ROCK2: variants seen among roughly 807,000 people sequenced by gnomAD.
ROCK2 encodes the protein Rho associated coiled-coil containing protein kinase 2.
In ROCK2, 61 loss-of-function variants were observed where a neutral mutation model predicts 195.1. The observed-to-expected ratio is 0.31, with a 90% CI of 0.25 to 0.39. The LOEUF is 0.39. Among genes scored for constraint, ROCK2 ranks in the 10% least tolerant of loss-of-function variants. ROCK2 has a pLI of 1.00. For missense variants in ROCK2, 1,109 were observed against 1,637.4 expected (o/e 0.68, Z 5.57); for synonymous variants, 504 against 545.5 (o/e 0.92, Z 1.06).
intron 13 of ROCK2, 131 bp downstream of exon 13, chr2:11,216,027 C>A: frequency 1.4e-6 from 1 of 718,856 alleles, no homozygotes; most frequent in South Asian, 1.8e-5. Context: ...ATAATTTAGT[C>A]CTATCCACCA....
chr2:11,239,035 C>T (rs1042882031), intron 4 of ROCK2, among the ~76,000 whole-genome samples: 7 of 150,830 alleles, frequency 4.6e-5, no homozygotes, highest in Non-Finnish European at 7.4e-5. Context: ...ATTTTTAGAC[C>T]CTTACCTCAC....
At position 11,201,484 on chromosome 2, in the gene ROCK2, A is replaced by C; in HGVS notation, c.2620-71T>G. On this transcript the variant is annotated intron_variant, in intron 21 of 32. Coordinates refer to ENST00000315872, the MANE Select transcript of ROCK2 (RefSeq NM_004850.5). The surrounding 1 kb of genome is among the most constrained non-coding windows in gnomAD (Gnocchi z 4.6). ...TTACTTCTACATTCAAAAGCTATTC[A>C]GACAAAAAGGAGAATGAACACATAC... 1 of 859,518 alleles carries C rather than the reference A, an allele frequency of 1.2e-6. No individual in the cohort carries two copies. The highest frequency in any genetic ancestry group is 1.9e-6 in the Non-Finnish European group (1 of 519,774). 53.2% of individuals were successfully genotyped at this position (859,518 alleles called of 1,614,324 possible).
At position 11,344,507 on chromosome 2, in the gene ROCK2, G is replaced by A; in HGVS notation, c.-371C>T. 1.0e-6 allele frequency: 1 copy of A among 986,584 alleles called. No homozygotes were observed. Among genetic ancestry groups the A allele is most frequent in the Non-Finnish European group, 1.2e-6 (1 of 831,818 alleles). The allele number at this position is 986,584 out of a possible 1,614,324, so 61.1% of individuals were successfully genotyped here. A position where few individuals can be genotyped will look rare whatever the true frequency, so the allele number is the denominator to read the frequency against. Reference sequence around the variant, plus strand: ...GGCCCGGACCGCCCCGCCCTCTGGGGCCCCGGGAGGCTGAAGCCCAGGCCT... The same window carrying A: ...GGCCCGGACCGCCCCGCCCTCTGGGACCCCGGGAGGCTGAAGCCCAGGCCT... On this transcript the variant is annotated 5_prime_UTR_variant, in exon 1 of 33. Transcript: ENST00000315872. This position sits in a 1 kb window ranked among gnomAD's most constrained non-coding sequence, Gnocchi z 5.4.
intron 1 of ROCK2, among the ~76,000 whole-genome samples, chr2:11,339,860 C>T (rs1003540369): frequency 6.6e-6 from 1 of 152,128 alleles, no homozygotes; most frequent in Admixed American, 6.5e-5. Context: ...GCAGCGGCGA[C>T]GGCACACAGG....
chr2:11,239,829 T>C (rs1312926786), intron 4 of ROCK2, among the ~76,000 whole-genome samples: 2 of 152,218 alleles, frequency 1.3e-5, no homozygotes, highest in African/African-American at 2.4e-5. Flanking sequence ...AGGTTCCCTA[T>C]ATTTTGGACT....
intron 1 of ROCK2, among the ~76,000 whole-genome samples, chr2:11,320,954 A>C (rs1435566225): frequency 6.6e-6 from 1 of 152,228 alleles, no homozygotes; most frequent in Non-Finnish European, 1.5e-5. Context: ...TAGAGTCTTC[A>C]GTAGAGAACA....
chr2:11,337,922 C>CT (rs1392272221), intron 1 of ROCK2, among the ~76,000 whole-genome samples: 1 of 152,128 alleles, frequency 6.6e-6, no homozygotes, highest in Non-Finnish European at 1.5e-5. Flanking sequence ...AGATTACAGG[C>CT]ATGAGCCACC....
intron 3 of ROCK2, among the ~76,000 whole-genome samples, chr2:11,272,019 CAAAAAAAA>C (rs34999311): frequency 8.8e-6 from 1 of 113,776 alleles, no homozygotes; most frequent in Non-Finnish European, 1.8e-5. Flanking sequence ...GACTCCATCT[CAAAAAAAA>C]AAAAAAAAAG....
At chr2:11,269,403 T>G (rs1243179675) in intron 3 of ROCK2, among the ~76,000 whole-genome samples, 1 of 151,482 alleles carries the variant, frequency 6.6e-6, no homozygotes. Flanking sequence ...TACTAGCTAC[T>G]CAGGAGGCTG....
chr2:11,332,410 C>T (rs932580057), intron 1 of ROCK2, among the ~76,000 whole-genome samples: 12 of 152,184 alleles, frequency 7.9e-5, no homozygotes, highest in African/African-American at 2.6e-4. Flanking sequence ...AGTTGATTAC[C>T]GTATTATTTC....
chr2:11,255,074 A>G lies in ROCK2; in HGVS notation c.325-5276T>C, dbSNP rs556370539. ...GTACTAAAAATACAAAAAATTAGCC[A>G]GGCATGGTGGCGGGCACCTGTAGTC... On this transcript the variant is annotated intron_variant, in intron 3 of 32. Coordinates refer to ENST00000315872, the MANE Select transcript of ROCK2 (RefSeq NM_004850.5). Among the ~76,000 whole-genome samples the G allele has an allele frequency of 7.0e-3, 1,038 of 148,372 alleles. 20 individuals carry two copies. The highest frequency in any genetic ancestry group is 0.025 in the African/African-American group (967 of 37,998).
chr2:11,337,435 C>A (rs969219849), intron 1 of ROCK2, among the ~76,000 whole-genome samples: 14 of 152,084 alleles, frequency 9.2e-5, no homozygotes, highest in African/African-American at 2.9e-4. Flanking sequence ...CAAACAGATG[C>A]TTCACAAAGG....
At position 11,182,278 on chromosome 2, in the gene ROCK2, C is replaced by T. The variant is rs1359121873; in HGVS notation, c.*1159G>A. The T allele has an allele frequency of 6.6e-6, 1 of 152,176 alleles. No homozygotes were observed. Among genetic ancestry groups the T allele is most frequent in the African/African-American group, 2.4e-5 (1 of 41,426 alleles). 9.4% of individuals were successfully genotyped at this position (152,176 alleles called of 1,614,324 possible). The stretch of plus-strand genomic sequence containing the variant: ...TATTTAAATATTTAAAATGCATCTA[C>T]AGTCTGTCTTAGTTTTCTTTATATT... On this transcript the variant is annotated 3_prime_UTR_variant, in exon 33 of 33. Transcript: ENST00000315872.
chr2:11,325,415 G>A (rs6709947), intron 1 of ROCK2, among the ~76,000 whole-genome samples: 2 of 152,086 alleles, frequency 1.3e-5, no homozygotes, highest in Admixed American at 1.3e-4. Flanking sequence ...CAATGCTACA[G>A]AAGTTTTTCC....
At chr2:11,248,965 G>A (rs527332106) in intron 4 of ROCK2, among the ~76,000 whole-genome samples, 6 of 151,768 alleles carry the variant, frequency 4.0e-5, no homozygotes, top group African/African-American at 9.7e-5. Context: ...GTACAATCTC[G>A]GCTCACTGCA....
At chr2:11,299,878 A>G (rs1667652538) in intron 1 of ROCK2, among the ~76,000 whole-genome samples, 1 of 152,160 alleles carries the variant, frequency 6.6e-6, no homozygotes, top group South Asian at 2.1e-4. Context: ...ACCTCTCAGG[A>G]AACTTTTTTA....
chr2:11,237,181 C>T (rs541135299), intron 4 of ROCK2, among the ~76,000 whole-genome samples: 6 of 152,098 alleles, frequency 3.9e-5, no homozygotes, highest in Admixed American at 2.6e-4. Flanking sequence ...TATGTAAAAT[C>T]GATACCCTCA....
chr2:11,306,267 G>A (rs1667856205), intron 1 of ROCK2, among the ~76,000 whole-genome samples: 1 of 152,172 alleles, frequency 6.6e-6, no homozygotes, highest in African/African-American at 2.4e-5. Context: ...ATTTCCTTCT[G>A]TCAGAAAAGC....
At chr2:11,343,169 A>G (rs1669160474) in intron 1 of ROCK2, among the ~76,000 whole-genome samples, 1 of 152,138 alleles carries the variant, frequency 6.6e-6, no homozygotes, top group Non-Finnish European at 1.5e-5. Flanking sequence ...CCATAAATGC[A>G]TCTACACTGC....
Sources: allele counts gnomAD v4.1 joint callset (sites outside exome capture counted in the v4.1 genomes callset), GRCh38; gene constraint gnomAD v4.1.1; non-coding constraint Gnocchi (gnomAD v3.1); transcripts MANE v1.5; gene names NCBI Gene and HGNC (gene_info 2026-07-23, HGNC 2026-07-21).